CCDC171: variants seen among roughly 807,000 people sequenced by gnomAD.
CCDC171 encodes the protein coiled-coil domain containing 171.
CCDC171 carries 177 observed loss-of-function variants against 168.2 expected under a neutral mutation model. The observed-to-expected ratio is 1.05, with a 90% confidence interval of 0.93 to 1.19. The LOEUF is 1.19. Among genes scored for constraint, CCDC171 ranks in the 50% most tolerant of loss-of-function variants. The pLI is 0.00. For missense variants in CCDC171, 1,991 were observed against 1,539.0 expected (o/e 1.29, Z -4.91); for synonymous variants, 687 against 540.8 (o/e 1.27, Z -3.75).
intron 16 of CCDC171, among the ~76,000 whole-genome samples, chr9:15,741,903 T>C (rs1477444549): frequency 6.6e-6 from 1 of 152,204 alleles, no homozygotes; most frequent in Admixed American, 6.5e-5. Context: ...ATACTGACTT[T>C]AGGATACAGT....
At chr9:15,905,385 A>G (rs988366170) in intron 24 of CCDC171, among the ~76,000 whole-genome samples, 13 of 152,224 alleles carry the variant, frequency 8.5e-5, no homozygotes, top group Admixed American at 2.0e-4. Flanking sequence ...CAACCGCTCA[A>G]CTACATGGAA....
intron 3 of CCDC171, among the ~76,000 whole-genome samples, chr9:15,997,302 C>T (rs573590273): frequency 6.6e-6 from 1 of 152,352 alleles, no homozygotes; most frequent in South Asian, 2.1e-4. Context: ...AATGGCCAGA[C>T]TCTCGTACCC....
At chr9:15,569,468 C>G (rs977029183) in intron 2 of CCDC171, among the ~76,000 whole-genome samples, 2 of 152,172 alleles carry the variant, frequency 1.3e-5, no homozygotes, top group African/African-American at 2.4e-5. Flanking sequence ...GTTTTTCATT[C>G]TGCACCTTTT....
At chr9:15,733,074 T>A (rs959997684) in intron 16 of CCDC171, among the ~76,000 whole-genome samples, 1 of 152,192 alleles carries the variant, frequency 6.6e-6, no homozygotes, top group African/African-American at 2.4e-5. Flanking sequence ...AATAAATTAA[T>A]CATTTATTTA....
chr9:15,811,179 A>G (rs991326422), intron 21 of CCDC171, among the ~76,000 whole-genome samples: 1 of 152,236 alleles, frequency 6.6e-6, no homozygotes, highest in Non-Finnish European at 1.5e-5. Context: ...AACCTTTTGG[A>G]ACCAGAGGGC....
intron 24 of CCDC171, among the ~76,000 whole-genome samples, chr9:15,908,821 G>C (rs1311534684): frequency 6.6e-6 from 1 of 152,154 alleles, no homozygotes; most frequent in African/African-American, 2.4e-5. Context: ...TGATGTGTTG[G>C]GGAGAGGGAG....
chr9:15,943,209 A>AT (rs1827922297), intron 25 of CCDC171, among the ~76,000 whole-genome samples: 2 of 151,992 alleles, frequency 1.3e-5, no homozygotes, highest in South Asian at 4.1e-4. Flanking sequence ...CCTAGTTCGC[A>AT]TGGTGGCAGT....
chr9:16,054,694 C>G (rs144989849), intron 1 of CCDC171, among the ~76,000 whole-genome samples: 2 of 152,136 alleles, frequency 1.3e-5, no homozygotes, highest in Non-Finnish European at 2.9e-5. Context: ...ACATTTCCTC[C>G]AGGGAGCTGT....
intron 25 of CCDC171, among the ~76,000 whole-genome samples, chr9:15,960,457 G>A (rs1830231833): frequency 6.6e-6 from 1 of 152,146 alleles, no homozygotes; most frequent in African/African-American, 2.4e-5. Context: ...CAAGCATAGG[G>A]AAAATTTATC....
chr9:15,805,780 A>C (rs921131544), intron 21 of CCDC171, among the ~76,000 whole-genome samples: 1 of 152,056 alleles, frequency 6.6e-6, no homozygotes, highest in Admixed American at 6.6e-5. Context: ...ATCCTGAGCT[A>C]AGTTCAGGTC....
At chr9:15,592,430 T>A (rs1289051412) in intron 5 of CCDC171, among the ~76,000 whole-genome samples, 2 of 152,180 alleles carry the variant, frequency 1.3e-5, no homozygotes, top group Non-Finnish European at 2.9e-5. Flanking sequence ...CTTTTTTGAA[T>A]TCTGGAAATG....
chr9:15,822,221 A>G (rs2059806232), intron 21 of CCDC171, among the ~76,000 whole-genome samples: 1 of 152,212 alleles, frequency 6.6e-6, no homozygotes, highest in East Asian at 1.9e-4. Context: ...ACCTAAAACC[A>G]TAAAAACCCT....
At chr9:15,737,476 A>C (rs1362074398) in intron 16 of CCDC171, among the ~76,000 whole-genome samples, 1 of 152,116 alleles carries the variant, frequency 6.6e-6, no homozygotes, top group African/African-American at 2.4e-5. Context: ...AAGAAGGGAG[A>C]TATAGGACAC....
intron 8 of CCDC171, among the ~76,000 whole-genome samples, chr9:15,661,749 T>C (rs954352391): frequency 1.3e-5 from 2 of 152,224 alleles, no homozygotes; most frequent in African/African-American, 4.8e-5. Flanking sequence ...ATTTGTTATT[T>C]TGTAGTCTAT....
chr9:15,754,682 C>G (rs1194764995), intron 18 of CCDC171, among the ~76,000 whole-genome samples: 1 of 152,014 alleles, frequency 6.6e-6, no homozygotes, highest in Non-Finnish European at 1.5e-5. Context: ...GCTGTGTGAC[C>G]TTGGGCAAGT....
chr9:15,802,139 G>T (rs2058855850), intron 21 of CCDC171, among the ~76,000 whole-genome samples: 1 of 151,546 alleles, frequency 6.6e-6, no homozygotes, highest in African/African-American at 2.4e-5. Flanking sequence ...TTGGTTTCCG[G>T]AAGTTTGATT....
chr9:15,965,697 A>AAGAGAAGCTACTC (rs57983659), intron 25 of CCDC171, among the ~76,000 whole-genome samples: 2 of 151,968 alleles, frequency 1.3e-5, no homozygotes, highest in African/African-American at 4.8e-5. Flanking sequence ...AGAAGGGAAG[A>AAGAGAAGCTACTC]TATGCTACAC....
intron 18 of CCDC171, among the ~76,000 whole-genome samples, chr9:15,773,525 C>G (rs1158423980): frequency 6.6e-6 from 1 of 152,132 alleles, no homozygotes; most frequent in Non-Finnish European, 1.5e-5. Context: ...ATTAAAGACA[C>G]ATTTTATTAA....
At chr9:15,559,787 T>C (rs892956105) in intron 1 of CCDC171, among the ~76,000 whole-genome samples, 8 of 152,138 alleles carry the variant, frequency 5.3e-5, no homozygotes, top group Non-Finnish European at 8.8e-5. Flanking sequence ...TGTTAGCTGG[T>C]TATTTTGCTC....
Sources: allele counts gnomAD v4.1 joint callset (sites outside exome capture counted in the v4.1 genomes callset), GRCh38; gene constraint gnomAD v4.1.1; transcripts MANE v1.5; gene names NCBI Gene and HGNC (gene_info 2026-07-23, HGNC 2026-07-21).